KCNN2: variants seen among roughly 807,000 people sequenced by gnomAD.
KCNN2 encodes the protein potassium calcium-activated channel subfamily N member 2.
KCNN2 carries 24 observed loss-of-function variants against 55.5 expected under a neutral mutation model. The ratio of observed to expected loss-of-function variants is 0.43; its 90% confidence interval spans 0.31 to 0.61. The LOEUF is 0.61. Ranked by LOEUF, KCNN2 falls within the 20% of genes least tolerant of loss-of-function variation. The pLI is 0.08. For missense variants in KCNN2, 754 were observed against 853.6 expected, an observed-to-expected ratio of 0.88 and a Z score of 1.45; for synonymous variants, 431 against 336.1, an observed-to-expected ratio of 1.28 and a Z score of -3.09.
At chr5:114,355,606 C>T (rs1330600397) in intron 2 of KCNN2, among the ~76,000 whole-genome samples, 1 of 152,170 alleles carries the variant, frequency 6.6e-6, no homozygotes, top group Non-Finnish European at 1.5e-5. Context: ...CTCCGGTTCT[C>T]TCACTCTTTG....
intron 2 of KCNN2, among the ~76,000 whole-genome samples, chr5:114,317,075 T>A (rs930626799): frequency 6.6e-6 from 1 of 152,188 alleles, no homozygotes; most frequent in African/African-American, 2.4e-5. Flanking sequence ...TTCACTTCCT[T>A]CAATTCCTTC....
At chr5:114,416,802 A>C (rs2051827447) in intron 3 of KCNN2, among the ~76,000 whole-genome samples, 1 of 152,222 alleles carries the variant, frequency 6.6e-6, no homozygotes, top group Non-Finnish European at 1.5e-5. Flanking sequence ...TGGTTTTAGA[A>C]CTTCATATAA....
At chr5:114,288,590 T>C (rs1755811440) in intron 2 of KCNN2, among the ~76,000 whole-genome samples, 1 of 152,146 alleles carries the variant, frequency 6.6e-6, no homozygotes. Context: ...TATGTCATTG[T>C]GGTTTTGATT....
In KCNN2 at chr5:114,426,426, C is replaced by T. The variant is rs10041196; in HGVS notation, c.1637+21570C>T. Among the ~76,000 whole-genome samples, 642 of 152,132 alleles carry T rather than the reference C, an allele frequency of 4.2e-3. 2 individuals are homozygous for T. Among genetic ancestry groups the T allele is most frequent in the Non-Finnish European group, 7.4e-3 (500 of 68,000 alleles). On this transcript the variant is annotated intron_variant, in intron 3 of 7. Coordinates refer to ENST00000673685, the MANE Select transcript of KCNN2 (RefSeq NM_021614.4). ...GTATTTTGTTGAGTTTTTTAAAATC[C>T]ATATTCATAAAAGATACTGGTCTAT...
intron 1 of KCNN2, among the ~76,000 whole-genome samples, chr5:114,073,858 GA>G (rs1424506550): frequency 2.6e-5 from 4 of 152,206 alleles, no homozygotes; most frequent in Admixed American, 1.3e-4. Flanking sequence ...TCAAGTAATG[GA>G]GAATAAACTA....
rs1306088900 is a variant in KCNN2, at chr5:114,213,012, A to G, written c.-270-8468A>G. On this transcript the variant is annotated intron_variant, in intron 1 of 10. Transcript: ENST00000512097. ...TCTGGGAATAAATGGATACCCCTGT[A>G]AATGAGATGCTGGGGGAAAGAAAAG... 2.0e-5 allele frequency among the ~76,000 whole-genome samples: 3 copies of G among 152,144 alleles called. No individual in the cohort carries two copies. In the East Asian group the frequency reaches 5.8e-4, roughly 29 times the overall value.
intron 1 of KCNN2, among the ~76,000 whole-genome samples, chr5:114,145,552 A>C (rs534359587): frequency 6.6e-6 from 1 of 152,288 alleles, no homozygotes; most frequent in African/African-American, 2.4e-5. Context: ...ATCTAATGAG[A>C]GATATCCATT....
chr5:114,496,187 G>C lies in KCNN2; in HGVS notation c.*5G>C. On this transcript the variant is annotated 3_prime_UTR_variant, in exon 8 of 8. Coordinates refer to ENST00000673685, the MANE Select transcript of KCNN2 (RefSeq NM_021614.4). The stretch of plus-strand genomic sequence containing the variant: ...ACTTCATCAGAGAGTAGCTAGAAGA[G>C]AATAAGTTAACCACAAAATAAGACT... The C allele has an allele frequency of 6.2e-7, 1 of 1,611,996 alleles. No homozygotes were observed. Among genetic ancestry groups the C allele is most frequent in the Non-Finnish European group, 8.5e-7 (1 of 1,178,752 alleles).
At chr5:114,074,809 AAGTC>A (rs1310691389) in intron 1 of KCNN2, among the ~76,000 whole-genome samples, 1 of 151,990 alleles carries the variant, frequency 6.6e-6, no homozygotes, top group Non-Finnish European at 1.5e-5. Flanking sequence ...AGAAAGAAGA[AAGTC>A]AGTCCCTTTA....
At chr5:114,091,303 G>A (rs1380473717) in intron 1 of KCNN2, among the ~76,000 whole-genome samples, 2 of 152,088 alleles carry the variant, frequency 1.3e-5, no homozygotes, top group Admixed American at 1.3e-4. Flanking sequence ...GCTCTCCTTG[G>A]CACTTTCCTA....
chr5:114,169,399 C>T (rs1010869785), intron 1 of KCNN2, among the ~76,000 whole-genome samples: 1 of 152,032 alleles, frequency 6.6e-6, no homozygotes, highest in African/African-American at 2.4e-5. Context: ...GAGTAAGAGT[C>T]AGAGTGGGAG....
At chr5:114,204,323 A>G (rs1378938695) in intron 1 of KCNN2, among the ~76,000 whole-genome samples, 1 of 152,210 alleles carries the variant, frequency 6.6e-6, no homozygotes, top group African/African-American at 2.4e-5. Flanking sequence ...AATTCCTGTC[A>G]TTCTGCAGGA....
intron 2 of KCNN2, among the ~76,000 whole-genome samples, chr5:114,365,603 T>G (rs560884753): frequency 7.9e-5 from 12 of 152,308 alleles, no homozygotes; most frequent in African/African-American, 2.4e-4. Flanking sequence ...ACCAGCCCTA[T>G]CCTAGCTTCC....
intron 3 of KCNN2, among the ~76,000 whole-genome samples, chr5:114,443,028 C>T (rs1004457177): frequency 6.6e-5 from 10 of 151,986 alleles, no homozygotes; most frequent in Non-Finnish European, 1.0e-4. Flanking sequence ...TGCAGTGGCT[C>T]AAGTCTGTAA....
At chr5:114,080,381 A>G (rs1216951843) in intron 1 of KCNN2, among the ~76,000 whole-genome samples, 1 of 152,158 alleles carries the variant, frequency 6.6e-6, no homozygotes, top group Non-Finnish European at 1.5e-5. Flanking sequence ...GAGATCTGCT[A>G]TGTATGTTTG....
At chr5:114,064,105 G>C (rs931650562) in intron 1 of KCNN2, among the ~76,000 whole-genome samples, 1 of 152,164 alleles carries the variant, frequency 6.6e-6, no homozygotes, top group Admixed American at 6.5e-5. Flanking sequence ...AATTGGCTTG[G>C]GGAGTGGCCT....
Position 114,453,582 on chromosome 5 carries a change from C to T in KCNN2, c.1638-9467C>T, listed in dbSNP as rs539896094. Among the ~76,000 whole-genome samples, 4 of 152,226 alleles carry T rather than the reference C, an allele frequency of 2.6e-5. No individual in the cohort carries two copies. The South Asian group carries it at 8.3e-4, about 32-fold the overall frequency. On this transcript the variant is annotated intron_variant, in intron 3 of 7. Coordinates refer to ENST00000673685, the MANE Select transcript of KCNN2 (RefSeq NM_021614.4). ...TTCCAGTCAAAGAAATAGAAGAACA[C>T]TATTTCTTTTCTTCCACTGTCCATA...
intron 1 of KCNN2, among the ~76,000 whole-genome samples, chr5:114,167,164 A>T (rs899109806): frequency 6.6e-6 from 1 of 152,134 alleles, no homozygotes; most frequent in Non-Finnish European, 1.5e-5. Flanking sequence ...AGATGATTTC[A>T]GGCCCTAACC....
chr5:114,301,613 G>A (rs537230226), intron 2 of KCNN2, among the ~76,000 whole-genome samples: 6 of 152,208 alleles, frequency 3.9e-5, no homozygotes, highest in South Asian at 2.1e-4. Flanking sequence ...ACTGAGGCTC[G>A]GGGAACAAGC....
Sources: gnomAD v4.1 joint callset for allele counts (sites outside exome capture counted in the v4.1 genomes callset) on GRCh38, gnomAD v4.1.1 for gene constraint, MANE v1.5 for transcripts, NCBI Gene and HGNC (gene_info 2026-07-23, HGNC 2026-07-21) for gene names.